The following ANXA1 variants were observed in gnomAD, a reference collection of about 807,000 sequenced individuals.
The protein encoded by ANXA1 is annexin A1.
Under a neutral mutation model 47.9 loss-of-function variants are expected in ANXA1, and 39 were observed. The observed-to-expected ratio is 0.81, with a 90% CI of 0.63 to 1.06. ANXA1 has a LOEUF of 1.06. Ranked by LOEUF, ANXA1 falls within the 50% of genes least tolerant of loss-of-function variation. ANXA1 has a pLI of 0.00. For missense variants in ANXA1, 446 were observed against 422.7 expected, an observed-to-expected ratio of 1.06 and a Z score of -0.48; for synonymous variants, 146 against 142.5, an observed-to-expected ratio of 1.02 and a Z score of -0.17.
At chr9:73,159,684 C>A (rs942034538) in intron 4 of ANXA1, 1 of 287,168 alleles carries the variant, frequency 3.5e-6, no homozygotes. Flanking sequence ...TGAACGTAAA[C>A]ATCGAGATTG....
At chr9:73,160,641 T>C (rs1824125590) in intron 5 of ANXA1, among the ~76,000 whole-genome samples, 162 bp from the exon 6 acceptor site, 1 of 152,194 alleles carries the variant, frequency 6.6e-6, no homozygotes, top group Admixed American at 6.6e-5. Flanking sequence ...AAACTTGTTT[T>C]GTTTTAGGGC....
At position 73,164,232 on chromosome 9, in the gene ANXA1, C is replaced by A. The variant is rs539491174; in HGVS notation, c.612+700C>A. On this transcript the variant is annotated intron_variant, in intron 8 of 12. Transcript: ENST00000257497. ...AGATTTCTTTGTGCACCCCCATCCA[C>A]TTCTGCTATACCAGTACATTATCAT... Among the ~76,000 whole-genome samples the A allele has an allele frequency of 7.2e-5, 11 of 152,270 alleles. No homozygotes were observed. The South Asian group carries it at 2.1e-3, about 29-fold the overall frequency.
At chr9:73,157,419 C>A (rs1358454850) in intron 1 of ANXA1, among the ~76,000 whole-genome samples, 1 of 151,754 alleles carries the variant, frequency 6.6e-6, no homozygotes, top group Non-Finnish European at 1.5e-5. Flanking sequence ...TTTGGGAGGC[C>A]GAGGCGGGCA....
In ANXA1 at chr9:73,162,794, A is replaced by C; in HGVS notation, c.488A>C (p.Asp163Ala). The C allele has an allele frequency of 6.2e-7, 1 of 1,612,632 alleles. No individual in the cohort carries two copies. The highest frequency in any genetic ancestry group is 1.3e-5 in the African/African-American group (1 of 74,948). Residue 163 changes from aspartate (D) to alanine (A), a missense_variant, in exon 7 of 13, where the codon GAT (aspartate) becomes GCT (alanine). Coordinates refer to ENST00000257497, the MANE Select transcript of ANXA1 (RefSeq NM_000700.3). ...TCTTTTTTCTCAGAACTGAAGAGAG[A>C]TCTGGCCAAAGACATAACCTCAGAC... is the stretch of plus-strand genomic sequence containing the variant. ...NRVYREELKR[D>A]LAKDITSDTS...
Position 73,165,102 on chromosome 9 carries a change from G to T in ANXA1, c.613-14G>T, listed in dbSNP as rs751998284. On this transcript the variant is annotated splice_polypyrimidine_tract_variant and intron_variant, in intron 8 of 12. Coordinates refer to ENST00000257497, the MANE Select transcript of ANXA1 (RefSeq NM_000700.3). The stretch of plus-strand genomic sequence containing the variant: ...AGCAGATAGTGAAGTGTTTACTTTT[G>T]TGTTTCTTGACAGGCCTTGTATGAA... The T allele has an allele frequency of 9.3e-6, 15 of 1,605,786 alleles. No homozygotes were observed. In the African/African-American group the frequency reaches 1.3e-4, roughly 14 times the overall value.
At chr9:73,162,712 A>C (rs1824163386) in intron 6 of ANXA1, 70 bp from the exon 7 acceptor site, 1 of 1,199,074 alleles carries the variant, frequency 8.3e-7, no homozygotes, top group Non-Finnish European at 1.2e-6. Context: ...CAACCAACTT[A>C]GAGATGTCAG....
intron 6 of ANXA1, among the ~76,000 whole-genome samples, chr9:73,161,587 A>G (rs562188270): frequency 6.6e-6 from 1 of 152,256 alleles, no homozygotes; most frequent in South Asian, 2.1e-4. Flanking sequence ...AATGCAATAT[A>G]TGGCATATAG....
chr9:73,163,411 T>A, intron 7 of ANXA1, 65 bp from the exon 8 acceptor site: 4 of 1,457,550 alleles, frequency 2.7e-6, no homozygotes, highest in Non-Finnish European at 3.8e-6. Context: ...GAGTTTAAGA[T>A]AATTAAGTAA....
chr9:73,166,179 CCTCACAG>C lies in ANXA1; in HGVS notation c.792_798del (p.Thr265SerfsTer2), dbSNP rs1824226480. 1.2e-6 allele frequency: 2 copies of C among 1,610,898 alleles called. No individual in the cohort carries two copies. Among genetic ancestry groups the C allele is most frequent in the East Asian group, 4.5e-5 (2 of 44,762 alleles). The stretch of plus-strand genomic sequence containing the variant: ...AGTTGAAAGGTGACATTGAGAAATG[CCTCACAG>C]CTATCGGTATGTAGTCCAGCAGTTG... On this transcript the variant is annotated frameshift_variant, in exon 10 of 13. Transcript: ENST00000257497. LOFTEE classifies it high-confidence loss of function.
intron 4 of ANXA1, 186 bp downstream of exon 4, chr9:73,159,609 T>G (rs749230079): frequency 4.9e-5 from 24 of 488,270 alleles, no homozygotes; most frequent in Non-Finnish European, 7.9e-5. Context: ...TTCCTATTTT[T>G]ATACATTAGT....
chr9:73,165,428 A>G, intron 9 of ANXA1: 1 of 385,028 alleles, frequency 2.6e-6, no homozygotes, highest in South Asian at 4.3e-5. Flanking sequence ...GGCATGTGGA[A>G]CATAATTTTG....
At chr9:73,158,248 T>G in intron 1 of ANXA1, 1 of 355,382 alleles carries the variant, frequency 2.8e-6, no homozygotes, top group Non-Finnish European at 5.3e-6. Context: ...TGTGCTTACT[T>G]GTAGTAGTTG....
intron 9 of ANXA1, 76 bp from the exon 10 acceptor site, chr9:73,166,021 A>C (rs1282466832): frequency 3.6e-6 from 4 of 1,101,750 alleles, no homozygotes; most frequent in Non-Finnish European, 5.2e-6. Context: ...TCTTTGAGTC[A>C]GTTGCCTTGA....
rs763663358 is a variant in ANXA1 at position 73,165,123 on chromosome 9, A to G, written c.620A>G (p.Tyr207Cys). ...DLADSDARAL[Y>C]EAGERRKGTD... Reference sequence around the variant, plus strand: ...TTTTGTGTTTCTTGACAGGCCTTGTATGAAGCAGGAGAAAGGAGAAAGGGG... The same window carrying G: ...TTTTGTGTTTCTTGACAGGCCTTGTGTGAAGCAGGAGAAAGGAGAAAGGGG... Residue 207 changes from tyrosine (Y) to cysteine (C), a missense_variant, in exon 9 of 13, where the codon TAT becomes TGT. By Grantham distance (194) the Tyr-to-Cys change is radical (BLOSUM62 -2). Coordinates refer to ENST00000257497, the MANE Select transcript of ANXA1 (RefSeq NM_000700.3). The G allele has an allele frequency of 1.9e-6, 3 of 1,612,398 alleles. No homozygotes were observed. The highest frequency in any genetic ancestry group is 1.1e-5 in the South Asian group (1 of 91,040).
chr9:73,162,938 G>C (rs528343278), intron 7 of ANXA1, 77 bp downstream of exon 7: 1 of 1,165,898 alleles, frequency 8.6e-7, no homozygotes, highest in African/African-American at 1.5e-5. Flanking sequence ...GTTGCTATAA[G>C]GGAATATCTG....
rs780668316 is a variant in ANXA1 at position 73,166,212 on chromosome 9, A to T, written c.802+20A>T. ...CTATCGGTATGTAGTCCAGCAGTTG[A>T]AAGAGTTTTCTAACTAGAAATTGTA... is the stretch of plus-strand genomic sequence containing the variant. On this transcript the variant is annotated intron_variant, in intron 10 of 12. Transcript: ENST00000257497. 1 of 1,558,564 alleles carries T rather than the reference A, an allele frequency of 6.4e-7. No individual in the cohort carries two copies. Among genetic ancestry groups the T allele is most frequent in the Non-Finnish European group, 8.8e-7 (1 of 1,140,124 alleles).
intron 1 of ANXA1, among the ~76,000 whole-genome samples, chr9:73,152,476 AAT>A (rs1157730644): frequency 4.6e-5 from 7 of 152,220 alleles, no homozygotes; most frequent in Non-Finnish European, 1.0e-4. Flanking sequence ...AACATTTAAA[AAT>A]ATATGTTATA....
intron 9 of ANXA1, among the ~76,000 whole-genome samples, 160 bp from the exon 10 acceptor site, chr9:73,165,937 A>T (rs1008221485): frequency 1.3e-5 from 2 of 152,150 alleles, no homozygotes; most frequent in African/African-American, 4.8e-5. Context: ...CTAGGAGAGG[A>T]TGAAGTATTC....
chr9:73,165,504 G>C, intron 9 of ANXA1: 1 of 147,348 alleles, frequency 6.8e-6, no homozygotes, highest in Non-Finnish European at 1.4e-5. Context: ...ATGCATAACA[G>C]AACAAATGAA....
Sources: gnomAD v4.1 joint callset for allele counts (sites outside exome capture counted in the v4.1 genomes callset) on GRCh38, gnomAD v4.1.1 for gene constraint, MANE v1.5 for transcripts, NCBI Gene and HGNC (gene_info 2026-07-23, HGNC 2026-07-21) for gene names.